SUN3: variants seen among roughly 807,000 people sequenced by gnomAD.
SUN3 encodes the protein Sad1 and UNC84 domain containing 3.
Under a neutral mutation model 48.2 loss-of-function variants are expected in SUN3, and 36 were observed. That is an observed-to-expected ratio of 0.75 (90% confidence interval 0.57 to 0.99). The LOEUF is 0.99. SUN3 is among the 50% of genes least tolerant of loss of function. The probability of loss-of-function intolerance (pLI) is 0.00; values close to 1 mark genes in which losing one functional copy is unlikely to be tolerated. For synonymous variants in SUN3, 148 were observed against 147.9 expected (o/e 1.00, Z 0.00); for missense variants, 419 against 433.1 (o/e 0.97, Z 0.29).
chr7:48,016,385 T>G (rs1446302592), intron 3 of SUN3, among the ~76,000 whole-genome samples: 1 of 151,930 alleles, frequency 6.6e-6, no homozygotes, highest in Non-Finnish European at 1.5e-5. Context: ...TCCGTTGCAA[T>G]TCCCCTGTCT....
At chr7:48,028,794 A>G (rs766606207) in intron 1 of SUN3, 23 bp downstream of exon 1, 1 of 1,610,408 alleles carries the variant, frequency 6.2e-7, no homozygotes. Context: ...TTTCAGGCAC[A>G]CCGTTCTGCC....
rs979120517 is a variant in SUN3 at position 48,009,630 on chromosome 7, G to C, written c.289-555C>G. Among the ~76,000 whole-genome samples the C allele has an allele frequency of 3.3e-5, 5 of 152,006 alleles. No homozygotes were observed. The South Asian group carries it at 1.0e-3, about 32-fold the overall frequency. On this transcript the variant is annotated intron_variant, in intron 3 of 9. Transcript: ENST00000297325. Reference sequence around the variant, plus strand: ...AAATTGCAGAAATTTATCTAACACTGGTGTCATGTCTGGTATAGATAGTCT... The same window carrying C: ...AAATTGCAGAAATTTATCTAACACTCGTGTCATGTCTGGTATAGATAGTCT...
At chr7:47,989,925 A>G (rs944695092) in intron 8 of SUN3, among the ~76,000 whole-genome samples, 2 of 152,222 alleles carry the variant, frequency 1.3e-5, no homozygotes, top group African/African-American at 4.8e-5. Flanking sequence ...TTAAGTCATC[A>G]CCACTCCCTA....
intron 3 of SUN3, among the ~76,000 whole-genome samples, chr7:48,013,448 C>A (rs998871425): frequency 2.0e-5 from 3 of 152,160 alleles, no homozygotes; most frequent in Non-Finnish European, 2.9e-5. Flanking sequence ...AATATCAAAT[C>A]ATTGGGATTC....
chr7:48,011,409 GA>G (rs980706029), intron 3 of SUN3, among the ~76,000 whole-genome samples: 4 of 152,318 alleles, frequency 2.6e-5, no homozygotes, highest in Non-Finnish European at 4.4e-5. Flanking sequence ...GTGGCACATA[GA>G]AAAATATTGC....
At chr7:48,030,207 C>A (rs1212509664), upstream of SUN3, among the ~76,000 whole-genome samples, 2 of 152,056 alleles carry the variant, frequency 1.3e-5, no homozygotes, top group Non-Finnish European at 2.9e-5. Context: ...ATGCTGATTT[C>A]TGGGTGAATT....
rs886201546 is a variant in SUN3 at position 47,999,754 on chromosome 7, C to G, written c.578-3608G>C. 1.3e-5 allele frequency among the ~76,000 whole-genome samples: 2 copies of G among 152,304 alleles called. 1 individual carries two copies. Among genetic ancestry groups the G allele is most frequent in the South Asian group, 4.1e-4 (2 of 4,826 alleles). On this transcript the variant is annotated intron_variant, in intron 6 of 9. Transcript: ENST00000297325. ...TTCACCAGGTTGGCCAGGCTGGTCT[C>G]GAACTCCTGACCTCAATTGATCCGC...
At chr7:48,016,163 C>A (rs933962122) in intron 3 of SUN3, among the ~76,000 whole-genome samples, 6 of 152,068 alleles carry the variant, frequency 3.9e-5, no homozygotes, top group African/African-American at 1.4e-4. Flanking sequence ...GTTCTGCCAG[C>A]CCACCCAGGA....
chr7:48,035,428 TC>T, the SUN3 span: 4 of 671,946 alleles, frequency 6.0e-6, no homozygotes, highest in Admixed American at 4.3e-5. This position sits in a 1 kb window ranked among gnomAD's most constrained non-coding sequence, Gnocchi z 4.0. Context: ...GGCCCACCGC[TC>T]CCCCTCAGGC....
intron 7 of SUN3, 147 bp downstream of exon 7, chr7:47,995,884 C>A (rs1049709918): frequency 5.9e-6 from 3 of 512,654 alleles, no homozygotes; most frequent in Admixed American, 3.9e-5. Context: ...AGTGTACTGA[C>A]TATAAAAATA....
At position 47,996,058 on chromosome 7, in the gene SUN3, A is replaced by C. The variant is rs192674773; in HGVS notation, c.666T>G (p.His222Gln). 4 of 1,583,298 alleles carry C rather than the reference A, an allele frequency of 2.5e-6. No individual in the cohort carries two copies. Among genetic ancestry groups the C allele is most frequent in the Non-Finnish European group, 3.4e-6 (4 of 1,168,450 alleles). The change falls in exon 7 of 10, where the codon CAT becomes CAG. Residue 222 changes from histidine to glutamine, a missense_variant. Physicochemically the swap from His to Gln is conservative, Grantham distance 24. Coordinates refer to ENST00000297325, the MANE Select transcript of SUN3 (RefSeq NM_001030019.2). Reference protein sequence around the residue: ...LYWHGIGFLNHEMPPDIILQP... With the variant: ...LYWHGIGFLNQEMPPDIILQP... ...GAAGAATAATATCTGGAGGCATTTCATGATTTAGGAAACCTATCCCATGCC... is the reference window on the plus strand; with the variant it reads ...GAAGAATAATATCTGGAGGCATTTCCTGATTTAGGAAACCTATCCCATGCC...
At chr7:48,026,291 CA>C (rs552739037) in intron 1 of SUN3, among the ~76,000 whole-genome samples, 2,385 of 149,566 alleles carry the variant, frequency 0.016, 31 homozygotes, top group Non-Finnish European at 0.024. Context: ...GAACTAGCTA[CA>C]AAAAAAGAAA....
chr7:47,994,265 A>T, intron 8 of SUN3, 50 bp downstream of exon 8: 2 of 1,597,022 alleles, frequency 1.3e-6, no homozygotes, highest in Non-Finnish European at 1.7e-6. Context: ...TTCCTAGCCA[A>T]CCACCTTCTA....
Position 47,996,037 on chromosome 7 carries a change from A to C in SUN3, c.687T>G (p.Ile229Met), listed in dbSNP as rs1336438379. The change falls in exon 7 of 10, where the codon ATT (isoleucine) becomes ATG (methionine). Residue 229 changes from isoleucine (I) to methionine (M), a missense_variant. Coordinates refer to ENST00000297325, the MANE Select transcript of SUN3 (RefSeq NM_001030019.2). Reference sequence around the variant, plus strand: ...ATTCTTAATTTAGCTTTACCTGAAGAATAATATCTGGAGGCATTTCATGAT... The same window carrying C: ...ATTCTTAATTTAGCTTTACCTGAAGCATAATATCTGGAGGCATTTCATGAT... ...FLNHEMPPDI[I>M]LQPDVYPGKC... 6.6e-7 allele frequency: 1 copy of C among 1,512,706 alleles called. No homozygotes were observed. Among genetic ancestry groups the C allele is most frequent in the Non-Finnish European group, 8.9e-7 (1 of 1,126,112 alleles). 93.7% of individuals were successfully genotyped at this position (1,512,706 alleles called of 1,614,324 possible). A position where few individuals can be genotyped will look rare whatever the true frequency, so the allele number is the denominator to read the frequency against.
intron 3 of SUN3, among the ~76,000 whole-genome samples, chr7:48,011,819 A>T (rs1366244341): frequency 6.6e-6 from 1 of 152,244 alleles, no homozygotes; most frequent in Non-Finnish European, 1.5e-5. Context: ...GAAAGTGAAG[A>T]TAAAATAAAG....
chr7:48,014,107 A>C (rs898159744), intron 3 of SUN3, among the ~76,000 whole-genome samples: 12 of 152,170 alleles, frequency 7.9e-5, no homozygotes, highest in African/African-American at 2.7e-4. Context: ...CTGGTACTAC[A>C]GGCATATTCC....
chr7:47,994,550 C>A, intron 7 of SUN3, 68 bp from the exon 8 acceptor site: 2 of 1,468,864 alleles, frequency 1.4e-6, no homozygotes, highest in South Asian at 2.7e-5. Flanking sequence ...TACTGGTCAG[C>A]TAATCACTAT....
At position 47,996,044 on chromosome 7, in the gene SUN3, T is replaced by G. The variant is rs747466984; in HGVS notation, c.680A>C (p.Asp227Ala). 1.2e-5 allele frequency: 19 copies of G among 1,552,346 alleles called. No homozygotes were observed. In the East Asian group the frequency reaches 3.7e-4, roughly 31 times the overall value. Reference protein sequence around the residue: ...IGFLNHEMPPDIILQPDVYPG... With the variant: ...IGFLNHEMPPAIILQPDVYPG... ...ATTTAGCTTTACCTGAAGAATAATA[T>G]CTGGAGGCATTTCATGATTTAGGAA... The change falls in exon 7 of 10, where the codon GAT (aspartate) becomes GCT (alanine). Residue 227 changes from aspartate (D) to alanine (A), a missense_variant. By Grantham distance (126) the Asp-to-Ala change is moderately radical (BLOSUM62 -2). Coordinates refer to ENST00000297325, the MANE Select transcript of SUN3 (RefSeq NM_001030019.2).
intron 3 of SUN3, among the ~76,000 whole-genome samples, chr7:48,015,421 T>C (rs529516288): frequency 6.6e-6 from 1 of 152,256 alleles, no homozygotes; most frequent in Admixed American, 6.5e-5. Flanking sequence ...CCAGGGAGGC[T>C]TCCTCACTGG....
Sources: gnomAD v4.1 joint callset for allele counts (sites outside exome capture counted in the v4.1 genomes callset) on GRCh38, gnomAD v4.1.1 for gene constraint, Gnocchi (gnomAD v3.1) non-coding constraint, MANE v1.5 for transcripts, NCBI Gene and HGNC (gene_info 2026-07-23, HGNC 2026-07-21) for gene names.